Variants in IGFN1 observed in about 807,000 individuals in gnomAD.
The protein encoded by IGFN1 is immunoglobulin like and fibronectin type III domain containing 1, also known as immunoglobulin-like and fibronectin type III domain-containing protein 1.
In IGFN1, 253 loss-of-function variants were observed where a neutral mutation model predicts 289.5. That is an observed-to-expected ratio of 0.87 (90% CI 0.79 to 0.97). The LOEUF (loss-of-function observed/expected upper bound fraction) is 0.97, where lower values mean the gene tolerates loss of function less well. Ranked by LOEUF, IGFN1 falls within the 50% of genes least tolerant of loss-of-function variation. The pLI, the probability that IGFN1 is intolerant of heterozygous loss-of-function variation, is 0.00. For synonymous variants in IGFN1, 1,706 were observed against 1,788.5 expected (o/e 0.95, Z 1.16); for missense variants, 4,470 against 4,686.1 (o/e 0.95, Z 1.35).
intron 20 of IGFN1, among the ~76,000 whole-genome samples, chr1:201,223,330 C>T (rs1030684498): frequency 1.3e-5 from 2 of 149,386 alleles, no homozygotes; most frequent in Non-Finnish European, 3.0e-5. Flanking sequence ...CACTCACAGC[C>T]GTTTGACTTT....
Position 201,207,205 on chromosome 1 carries a change from A to G in IGFN1, c.2312A>G (p.Tyr771Cys). The G allele has an allele frequency of 6.5e-7, 1 of 1,536,868 alleles. No homozygotes were observed. Among genetic ancestry groups the G allele is most frequent in the Non-Finnish European group, 8.7e-7 (1 of 1,146,852 alleles). ...GAGTCTGTAGTTACAGGAAGTGCCT[A>G]CAAAACTGGCCCTGGAGGCCCAGGA... ...RGESVVTGSA[Y>C]KTGPGGPGDP... Residue 771 changes from tyrosine (Y) to cysteine (C), a missense_variant, in exon 12 of 24, where the codon TAC becomes TGC. By Grantham distance (194) the Tyr-to-Cys change is radical. Around this residue, in one of 8 missense-constraint regions of IGFN1, gnomAD observed 2,011 missense variants for 1,953.4 expected, o/e 1.03. Coordinates refer to ENST00000335211, the MANE Select transcript of IGFN1 (RefSeq NM_001164586.2).
At position 201,197,203 on chromosome 1, in the gene IGFN1, T is replaced by G; in HGVS notation, c.268-15T>G. On this transcript the variant is annotated splice_polypyrimidine_tract_variant and intron_variant, in intron 4 of 23. Coordinates refer to ENST00000335211, the MANE Select transcript of IGFN1 (RefSeq NM_001164586.2). ...ATGTGGTAGCCCTGTTCCTCTGCCC[T>G]TGGCCTCTCTGCAGATCAACAAGCT... The G allele has an allele frequency of 2.6e-6, 4 of 1,520,844 alleles. No individual in the cohort carries two copies. Among genetic ancestry groups the G allele is most frequent in the Non-Finnish European group, 3.6e-6 (4 of 1,119,488 alleles). 94.2% of individuals were successfully genotyped at this position (1,520,844 alleles called of 1,614,324 possible). A position where few individuals can be genotyped will look rare whatever the true frequency, so the allele number is the denominator to read the frequency against.
At chr1:201,216,302 C>G in intron 15 of IGFN1, 152 bp from the exon 16 acceptor site, 1 of 640,718 alleles carries the variant, frequency 1.6e-6, no homozygotes, top group Non-Finnish European at 2.6e-6. Context: ...GCCCAAGGCT[C>G]TCTGGACAGT....
chr1:201,212,242 C>A lies in IGFN1; in HGVS notation c.7349C>A (p.Ser2450Tyr). ...CTCAGGGGCACAGGGGTGCTGGGGT[C>A]TCAGGGAGGGCGACAGACTCTTTCA... ...DSLRGTGVLGSQGGRQTLSDE... is the reference protein window; with the variant it reads ...DSLRGTGVLGYQGGRQTLSDE... Residue 2450 changes from serine to tyrosine, a missense_variant, in exon 12 of 24, where the codon TCT becomes TAT. Ser to Tyr is a moderately radical substitution (Grantham distance 144). Coordinates refer to ENST00000335211, the MANE Select transcript of IGFN1 (RefSeq NM_001164586.2). 6.5e-7 allele frequency: 1 copy of A among 1,534,720 alleles called. No homozygotes were observed. The highest frequency in any genetic ancestry group is 2.4e-5 in the East Asian group (1 of 40,908).
Position 201,210,468 on chromosome 1 carries a change from G to A in IGFN1, c.5575G>A (p.Gly1859Ser), listed in dbSNP as rs1438697290. 2 of 1,334,566 alleles carry A rather than the reference G, an allele frequency of 1.5e-6. No homozygotes were observed. Among genetic ancestry groups the A allele is most frequent in the Non-Finnish European group, 2.0e-6 (2 of 1,011,642 alleles). 82.7% of individuals were successfully genotyped at this position (1,334,566 alleles called of 1,614,324 possible). ...VNEAGYRKDL[G>S]APKGIGSGSK... Reference sequence around the variant, plus strand: ...TGAAGCAGGTTATAGGAAGGATTTGGGTGCTCCTAAGGGAATAGGTTCAGG... The same window carrying A: ...TGAAGCAGGTTATAGGAAGGATTTGAGTGCTCCTAAGGGAATAGGTTCAGG... Residue 1859 changes from glycine (G) to serine (S), a missense_variant, in exon 12 of 24, where the codon GGT becomes AGT. This residue lies in a region of IGFN1 where 33 missense variants were observed against 259.7 expected (regional missense o/e 0.13). Transcript: ENST00000335211.
At chr1:201,214,370 G>A (rs909115546) in intron 13 of IGFN1, 69 bp downstream of exon 13, 6 of 1,466,346 alleles carry the variant, frequency 4.1e-6, no homozygotes, top group Non-Finnish European at 4.6e-6. Context: ...AGGGGCAAGA[G>A]CGTAGAGGCT....
intron 3 of IGFN1, 80 bp downstream of exon 3, chr1:201,194,353 C>A (rs955384307): frequency 4.7e-6 from 7 of 1,479,884 alleles, no homozygotes; most frequent in Non-Finnish European, 6.4e-6. Flanking sequence ...GGGGCACCAA[C>A]CTTCCTGGGG....
At chr1:201,195,269 A>G (rs1489908197) in intron 3 of IGFN1, among the ~76,000 whole-genome samples, 1 of 151,870 alleles carries the variant, frequency 6.6e-6, no homozygotes, top group African/African-American at 2.4e-5. Context: ...CTCCTGCCTC[A>G]GCCTCCCAAG....
chr1:201,208,645 G>A lies in IGFN1; in HGVS notation c.3752G>A (p.Gly1251Asp). Reference protein sequence around the residue: ...PRSTGPGGEAGFRDGSGGLQG... With the variant: ...PRSTGPGGEADFRDGSGGLQG... ...AGTACAGGGCCAGGGGGTGAGGCAG[G>A]CTTTAGAGATGGTTCAGGAGGCCTC... Residue 1251 changes from glycine (G) to aspartate (D), a missense_variant, in exon 12 of 24, where the codon GGC becomes GAC. Coordinates refer to ENST00000335211, the MANE Select transcript of IGFN1 (RefSeq NM_001164586.2). 1.3e-6 allele frequency: 2 copies of A among 1,534,444 alleles called. No individual in the cohort carries two copies. The highest frequency in any genetic ancestry group is 1.2e-5 in the South Asian group (1 of 83,532).
rs1164781127 is a variant in IGFN1, at chr1:201,211,644, A to T, written c.6751A>T (p.Arg2251Trp). 1 of 1,536,864 alleles carries T rather than the reference A, an allele frequency of 6.5e-7. No individual in the cohort carries two copies. The highest frequency in any genetic ancestry group is 8.7e-7 in the Non-Finnish European group (1 of 1,146,794). Residue 2251 changes from arginine to tryptophan, a missense_variant, in exon 12 of 24, where the codon AGG (arginine) becomes TGG (tryptophan). Transcript: ENST00000335211. ...GGGGTCAATGGATGAGGCAGATTATAGGAAGGATTTGGGAGCTCCTGAGGA... is the reference window on the plus strand; with the variant it reads ...GGGGTCAATGGATGAGGCAGATTATTGGAAGGATTTGGGAGCTCCTGAGGA... ...EMGSMDEADYRKDLGAPEEMG... is the reference protein window; with the variant it reads ...EMGSMDEADYWKDLGAPEEMG...
intron 14 of IGFN1, 147 bp downstream of exon 14, chr1:201,215,301 C>A (rs1305850497): frequency 1.2e-5 from 12 of 992,178 alleles, no homozygotes; most frequent in Non-Finnish European, 1.8e-5. Context: ...ATTTAAAAAG[C>A]CGACTCATAC....
intron 1 of IGFN1, among the ~76,000 whole-genome samples, chr1:201,191,188 C>T (rs989626880): frequency 1.3e-5 from 2 of 152,102 alleles, no homozygotes; most frequent in Non-Finnish European, 2.9e-5. Flanking sequence ...GGGTGTGATA[C>T]GATGACCAGA....
At position 201,224,764 on chromosome 1, in the gene IGFN1, C is replaced by T. The variant is rs1247078761; in HGVS notation, c.10376C>T (p.Thr3459Ile). The T allele has an allele frequency of 1.2e-6, 2 of 1,614,188 alleles. No homozygotes were observed. The highest frequency in any genetic ancestry group is 1.1e-5 in the South Asian group (1 of 91,082). Residue 3459 changes from threonine to isoleucine, a missense_variant, in exon 21 of 24, where the codon ACC becomes ATC. Thr to Ile is a moderately conservative substitution (Grantham distance 89). Transcript: ENST00000335211. Reference protein sequence around the residue: ...RSVTVTKDGLTQLLIPVAGLS... With the variant: ...RSVTVTKDGLIQLLIPVAGLS... ...GTGACTGTCACTAAGGATGGCCTCA[C>T]CCAGCTTCTGATCCCTGTGGCTGGA... is the stretch of plus-strand genomic sequence containing the variant.
At position 201,212,216 on chromosome 1, in the gene IGFN1, C is replaced by T. The variant is rs1252581687; in HGVS notation, c.7323C>T (p.Ser2441=). 1.3e-6 allele frequency: 2 copies of T among 1,534,220 alleles called. No homozygotes were observed. The highest frequency in any genetic ancestry group is 2.0e-5 in the Admixed American group (1 of 50,864). ...GTAGGMAHRD[S]LRGTGVLGSQ... ...CAGGTGGCATGGCACACAGAGACAG[C>T]CTCAGGGGCACAGGGGTGCTGGGGT... Residue 2441 remains serine, a synonymous_variant, in exon 12 of 24, where the codon AGC becomes AGT. Transcript: ENST00000335211.
rs370083627 is a variant in IGFN1, at chr1:201,195,702, C to A, written c.128-137C>A. ...ATTCTGAGTCCTGAGTCAAGGGGACCAAGGCCTGGCATCCTTTTTGGAAGG... is the reference window on the plus strand; with the variant it reads ...ATTCTGAGTCCTGAGTCAAGGGGACAAAGGCCTGGCATCCTTTTTGGAAGG... On this transcript the variant is annotated intron_variant, in intron 3 of 23. Transcript: ENST00000335211. 7.4e-5 allele frequency: 69 copies of A among 930,952 alleles called. 2 individuals are homozygous for A. The Middle Eastern group carries it at 2.6e-3, about 35-fold the overall frequency. The allele number at this position is 930,952 out of a possible 1,614,324, so 57.7% of individuals were successfully genotyped here.
At chr1:201,228,360 C>T in intron 23 of IGFN1, 26 bp from the exon 24 acceptor site, 2 of 1,613,622 alleles carry the variant, frequency 1.2e-6, no homozygotes, top group Non-Finnish European at 1.7e-6. Flanking sequence ...CCCTCTGAAC[C>T]AACTGGAATA....
At chr1:201,192,535 C>T (rs967897524) in intron 1 of IGFN1, among the ~76,000 whole-genome samples, 1 of 152,178 alleles carries the variant, frequency 6.6e-6, no homozygotes, top group African/African-American at 2.4e-5. Flanking sequence ...GAAAATACTC[C>T]TATTCACCTG....
chr1:201,227,092 T>C lies in IGFN1; in HGVS notation c.10997T>C (p.Leu3666Pro), dbSNP rs1481887298. The C allele has an allele frequency of 6.2e-7, 1 of 1,613,628 alleles. No individual in the cohort carries two copies. Among genetic ancestry groups the C allele is most frequent in the East Asian group, 2.2e-5 (1 of 44,884 alleles). Reference protein sequence around the residue: ...GNPAVYSTDLLGVCSLTIPSV... With the variant: ...GNPAVYSTDLPGVCSLTIPSV... ...CCCGCGGTGTACAGCACTGACCTGCTGGGCGTGTGCTCCCTCACCATCCCC... is the reference window on the plus strand; with the variant it reads ...CCCGCGGTGTACAGCACTGACCTGCCGGGCGTGTGCTCCCTCACCATCCCC... Residue 3666 changes from leucine (L) to proline (P), a missense_variant, in exon 23 of 24, where the codon CTG becomes CCG. Transcript: ENST00000335211.
intron 4 of IGFN1, among the ~76,000 whole-genome samples, chr1:201,196,419 T>A (rs1329292651): frequency 6.6e-6 from 1 of 152,228 alleles, no homozygotes; most frequent in Non-Finnish European, 1.5e-5. Flanking sequence ...ATCTTGGTTC[T>A]CTGCAACCTC....
Sources: allele counts gnomAD v4.1 joint callset (sites outside exome capture counted in the v4.1 genomes callset), GRCh38; gene constraint gnomAD v4.1.1; regional missense constraint gnomAD v4.1.1; transcripts MANE v1.5; gene names NCBI Gene and HGNC (gene_info 2026-07-23, HGNC 2026-07-21).